The following RSU1 variants were observed in gnomAD, a reference collection of about 807,000 sequenced individuals.
RSU1 encodes rsu-1.
Under a neutral mutation model 31.1 loss-of-function variants are expected in RSU1, and 26 were observed. The observed-to-expected ratio is 0.84, with a 90% CI of 0.61 to 1.16. The LOEUF (loss-of-function observed/expected upper bound fraction) is 1.16, where lower values mean the gene tolerates loss of function less well. Ranked by LOEUF, RSU1 falls within the 50% of genes most tolerant of loss-of-function variation. The pLI, the probability that RSU1 is intolerant of heterozygous loss-of-function variation, is 0.00. For missense variants in RSU1, 320 were observed against 339.1 expected (o/e 0.94, Z 0.44); for synonymous variants, 164 against 136.3 (o/e 1.20, Z -1.41).
chr10:16,607,559 A>C (rs1195915387), intron 8 of RSU1, among the ~76,000 whole-genome samples: 1 of 151,620 alleles, frequency 6.6e-6, no homozygotes, highest in Non-Finnish European at 1.5e-5. Context: ...GGTGGTAACT[A>C]TCTGGCCTGA....
rs1554767079 is a variant in RSU1, at chr10:16,695,167, G to GAAAA, written c.599-16_599-13dup. On this transcript the variant is annotated splice_polypyrimidine_tract_variant and intron_variant, in intron 7 of 8. Transcript: ENST00000345264. Reference sequence around the variant, plus strand: ...TAAATCCAAGTTTCCTGGGGGGGGGGAAAAAAAAAGTGAAGGTCACTTCAT... The same window carrying GAAAA: ...TAAATCCAAGTTTCCTGGGGGGGGGGAAAAAAAAAAAAAGTGAAGGTCACTTCAT... 7,793 of 1,319,624 alleles carry GAAAA rather than the reference G, an allele frequency of 5.9e-3. 261 individuals are homozygous for GAAAA. In the African/African-American group the frequency reaches 0.099, roughly 17 times the overall value. The allele number at this position is 1,319,624 out of a possible 1,614,324, so 81.7% of individuals were successfully genotyped here.
chr10:16,746,665 CTTTTTTTT>C (rs535857942), intron 7 of RSU1, among the ~76,000 whole-genome samples: 2,634 of 101,886 alleles, frequency 0.026, 73 homozygotes, highest in African/African-American at 0.082. Context: ...TCCCAAATCA[CTTTTTTTT>C]TTTTTTTTTT....
chr10:16,601,332 C>CA (rs1304984060), intron 8 of RSU1, among the ~76,000 whole-genome samples: 5 of 152,196 alleles, frequency 3.3e-5, no homozygotes, highest in African/African-American at 1.2e-4. Flanking sequence ...GTTTCCTCTA[C>CA]AGTAGAAGTT....
At chr10:16,714,253 T>C (rs2131583036) in intron 7 of RSU1, among the ~76,000 whole-genome samples, 1 of 152,230 alleles carries the variant, frequency 6.6e-6, no homozygotes, top group South Asian at 2.1e-4. Flanking sequence ...TGCACATAGG[T>C]GCAGCTGTGT....
At chr10:16,794,902 C>A (rs917417299) in intron 2 of RSU1, among the ~76,000 whole-genome samples, 1 of 152,238 alleles carries the variant, frequency 6.6e-6, no homozygotes, top group Non-Finnish European at 1.5e-5. Context: ...CCTGTCATCC[C>A]ATGAGATCCT....
intron 8 of RSU1, among the ~76,000 whole-genome samples, chr10:16,615,856 C>G (rs1184750065): frequency 2.0e-5 from 3 of 152,180 alleles, no homozygotes; most frequent in Non-Finnish European, 2.9e-5. Flanking sequence ...ATCAGAATCT[C>G]TGGGATGTAG....
At chr10:16,755,093 A>G in intron 4 of RSU1, 104 bp from the exon 5 acceptor site, 2 of 654,848 alleles carry the variant, frequency 3.1e-6, no homozygotes, top group African/African-American at 1.8e-5. Context: ...AGACAGTGCC[A>G]TGATCCTAGA....
intron 8 of RSU1, among the ~76,000 whole-genome samples, chr10:16,682,994 C>A (rs542999565): frequency 6.6e-6 from 1 of 152,156 alleles, no homozygotes; most frequent in Admixed American, 6.5e-5. Flanking sequence ...TCATTCCTAA[C>A]GCATCTTCGA....
intron 8 of RSU1, among the ~76,000 whole-genome samples, chr10:16,645,200 A>G: frequency 6.6e-6 from 1 of 152,202 alleles, no homozygotes; most frequent in East Asian, 1.9e-4. Context: ...GATTTGGGCT[A>G]GCAAGGTTGG....
At chr10:16,611,451 A>G (rs781756356) in intron 8 of RSU1, among the ~76,000 whole-genome samples, 1 of 152,232 alleles carries the variant, frequency 6.6e-6, no homozygotes, top group Non-Finnish European at 1.5e-5. Flanking sequence ...AGAAATACAC[A>G]ACTGAAAACT....
intron 7 of RSU1, among the ~76,000 whole-genome samples, chr10:16,728,529 C>T (rs1202492711): frequency 5.3e-5 from 8 of 152,280 alleles, no homozygotes; most frequent in Admixed American, 1.3e-4. Flanking sequence ...CTTTCACAAA[C>T]GCAACGGAAC....
At chr10:16,617,894 A>G (rs1834005217) in intron 8 of RSU1, among the ~76,000 whole-genome samples, 1 of 152,260 alleles carries the variant, frequency 6.6e-6, no homozygotes. Flanking sequence ...AAGAAAACCT[A>G]GGCAATTCCA....
At chr10:16,653,692 G>C (rs1402534217) in intron 8 of RSU1, among the ~76,000 whole-genome samples, 2 of 152,106 alleles carry the variant, frequency 1.3e-5, no homozygotes, top group African/African-American at 4.8e-5. Context: ...TATGCAATTT[G>C]TATTATGATT....
At chr10:16,728,818 G>A (rs909339900) in intron 7 of RSU1, among the ~76,000 whole-genome samples, 6 of 152,194 alleles carry the variant, frequency 3.9e-5, no homozygotes, top group African/African-American at 9.7e-5. Context: ...TTCTGAGGAT[G>A]AAGGAAGGGG....
At chr10:16,755,568 G>A (rs1837068007) in intron 4 of RSU1, among the ~76,000 whole-genome samples, 1 of 151,860 alleles carries the variant, frequency 6.6e-6, no homozygotes, top group Non-Finnish European at 1.5e-5. Context: ...CACACGCGCT[G>A]CCTCATATGC....
At chr10:16,778,757 A>C (rs1218500552) in intron 3 of RSU1, among the ~76,000 whole-genome samples, 2 of 152,106 alleles carry the variant, frequency 1.3e-5, no homozygotes, top group African/African-American at 4.8e-5. Flanking sequence ...ACGGGGGGAC[A>C]GAAGATGATC....
intron 8 of RSU1, among the ~76,000 whole-genome samples, chr10:16,627,762 C>CAAAAAAAAAAAA (rs74962434): frequency 1.5e-5 from 1 of 67,554 alleles, no homozygotes. Flanking sequence ...CATCTCAATA[C>CAAAAAAAAAAAA]AAAAAAAAAA....
chr10:16,717,156 A>T (rs890908368), intron 7 of RSU1, among the ~76,000 whole-genome samples: 11 of 152,190 alleles, frequency 7.2e-5, no homozygotes, highest in African/African-American at 2.7e-4. Context: ...AACTTAAGTT[A>T]TATGTAAAAA....
At chr10:16,608,111 G>A (rs957196796) in intron 8 of RSU1, among the ~76,000 whole-genome samples, 7 of 151,972 alleles carry the variant, frequency 4.6e-5, no homozygotes, top group African/African-American at 1.2e-4. Context: ...GATTACAGGC[G>A]TGAGCCACCA....
Sources: gnomAD v4.1 joint callset for allele counts (sites outside exome capture counted in the v4.1 genomes callset) on GRCh38, gnomAD v4.1.1 for gene constraint, MANE v1.5 for transcripts, NCBI Gene and HGNC (gene_info 2026-07-23, HGNC 2026-07-21) for gene names.